Variants in LRRFIP1 observed in about 807,000 individuals in gnomAD.
LRRFIP1 encodes LRR binding FLII interacting protein 1.
In LRRFIP1, 62 loss-of-function variants were observed where a neutral mutation model predicts 104.4. The ratio of observed to expected loss-of-function variants is 0.59; its 90% CI spans 0.48 to 0.73. The LOEUF (loss-of-function observed/expected upper bound fraction) is 0.73, where lower values mean the gene tolerates loss of function less well. Among genes scored for constraint, LRRFIP1 ranks in the 30% least tolerant of loss-of-function variants. The pLI, the probability that LRRFIP1 is intolerant of heterozygous loss-of-function variation, is 0.00. For missense variants in LRRFIP1, 796 were observed against 824.5 expected (o/e 0.97, Z 0.42); for synonymous variants, 300 against 299.0 (o/e 1.00, Z -0.03).
chr2:237,702,309 T>C (rs927055270), intron 1 of LRRFIP1, among the ~76,000 whole-genome samples: 2 of 152,208 alleles, frequency 1.3e-5, no homozygotes, highest in African/African-American at 4.8e-5. Flanking sequence ...GAATCTTTTT[T>C]TCCCAGCCAT....
chr2:237,755,006 G>C (rs919885474), intron 15 of LRRFIP1, among the ~76,000 whole-genome samples: 3 of 152,236 alleles, frequency 2.0e-5, no homozygotes, highest in Non-Finnish European at 4.4e-5. Context: ...CAAGCTAAAG[G>C]AAGTGGGCGA....
chr2:237,708,385 A>G (rs141927524), intron 1 of LRRFIP1, among the ~76,000 whole-genome samples, 159 bp from the exon 2 acceptor site: 19 of 152,248 alleles, frequency 1.2e-4, no homozygotes, highest in African/African-American at 1.2e-4. Flanking sequence ...AACTATTTCT[A>G]TTGCTCCTGA....
rs562193413 is a variant in LRRFIP1 at position 237,661,997 on chromosome 2, G to A, written c.96+34257G>A. ...ATGCCATAACAAAGTGCCACAAACT[G>A]GGTGACTTAAAATAACAGAACTGTA... On this transcript the variant is annotated intron_variant, in intron 1 of 23. Transcript: ENST00000308482. This position sits in a 1 kb window ranked among gnomAD's most constrained non-coding sequence, Gnocchi z 4.4. Among the ~76,000 whole-genome samples the A allele has an allele frequency of 7.9e-5, 12 of 152,298 alleles. No homozygotes were observed. Among genetic ancestry groups the A allele is most frequent in the African/African-American group, 2.9e-4 (12 of 41,562 alleles).
intron 1 of LRRFIP1, among the ~76,000 whole-genome samples, chr2:237,707,081 A>G (rs560134841): frequency 1.3e-5 from 2 of 152,272 alleles, no homozygotes; most frequent in South Asian, 2.1e-4. Context: ...GAATAGAACA[A>G]ATTCCTCATG....
At chr2:237,760,350 C>T in intron 19 of LRRFIP1, 145 bp downstream of exon 19, 1 of 953,436 alleles carries the variant, frequency 1.0e-6, no homozygotes, top group African/African-American at 1.7e-5. Context: ...ATGGTAATTT[C>T]CTTGCCCACC....
At position 237,752,156 on chromosome 2, in the gene LRRFIP1, C is replaced by A. The variant is rs541292679; in HGVS notation, c.867+885C>A. Among the ~76,000 whole-genome samples, 20 of 152,294 alleles carry A rather than the reference C, an allele frequency of 1.3e-4. No homozygotes were observed. The South Asian group carries it at 3.1e-3, about 24-fold the overall frequency. On this transcript the variant is annotated intron_variant, in intron 14 of 23. Coordinates refer to ENST00000308482, the MANE Select transcript of LRRFIP1 (RefSeq NM_001137550.2). ...GCGTGGTGGCTCACGCCTGTAATTC[C>A]ACACTTTGGGAGGCCGAGGTGGGTG...
chr2:237,661,890 CA>C lies in LRRFIP1; in HGVS notation c.96+34154del, dbSNP rs1333074615. Among the ~76,000 whole-genome samples the C allele has an allele frequency of 6.6e-6, 1 of 152,222 alleles. No individual in the cohort carries two copies. Among genetic ancestry groups the C allele is most frequent in the Non-Finnish European group, 1.5e-5 (1 of 68,040 alleles). On this transcript the variant is annotated intron_variant, in intron 1 of 23. Transcript: ENST00000308482. The surrounding 1 kb of genome is among the most constrained non-coding windows in gnomAD (Gnocchi z 4.4). The stretch of plus-strand genomic sequence containing the variant: ...TAGGTGTTGCCATGATTCCTTTGGA[CA>C]AAATGTAAAATCTGGCTGAAGACTG...
chr2:237,673,258 G>A (rs2090615493), intron 1 of LRRFIP1, among the ~76,000 whole-genome samples: 1 of 152,218 alleles, frequency 6.6e-6, no homozygotes, highest in South Asian at 2.1e-4. Context: ...CTGTGTCCCT[G>A]GTCTGTAGGA....
At chr2:237,630,173 G>A (rs1167377964) in intron 1 of LRRFIP1, among the ~76,000 whole-genome samples, 1 of 152,228 alleles carries the variant, frequency 6.6e-6, no homozygotes, top group Non-Finnish European at 1.5e-5. Flanking sequence ...GATAGGGTTG[G>A]AGGGAGCAGG....
At chr2:237,679,665 A>T (rs561686216) in intron 1 of LRRFIP1, among the ~76,000 whole-genome samples, 7 of 152,286 alleles carry the variant, frequency 4.6e-5, no homozygotes, top group Admixed American at 2.0e-4. Context: ...CTAGAGTGCA[A>T]TGGCATGATC....
chr2:237,760,020 A>G (rs769951155), intron 18 of LRRFIP1, 44 bp from the exon 19 acceptor site: 61 of 1,585,202 alleles, frequency 3.8e-5, no homozygotes, highest in Middle Eastern at 1.7e-4. Context: ...GTTTAACCTA[A>G]TATCACTGAG....
At chr2:237,730,387 T>C (rs1210938008) in intron 8 of LRRFIP1, among the ~76,000 whole-genome samples, 2 of 152,186 alleles carry the variant, frequency 1.3e-5, no homozygotes, top group East Asian at 3.8e-4. Flanking sequence ...TGCTAAGGCT[T>C]GTTGGTGTTT....
intron 11 of LRRFIP1, among the ~76,000 whole-genome samples, chr2:237,744,464 G>T (rs1259048525): frequency 6.6e-6 from 1 of 152,180 alleles, no homozygotes; most frequent in Non-Finnish European, 1.5e-5. Context: ...GCTGGAACAT[G>T]GAAAACTTAG....
At chr2:237,753,721 G>C (rs750301768) in intron 15 of LRRFIP1, among the ~76,000 whole-genome samples, 1 of 149,850 alleles carries the variant, frequency 6.7e-6, no homozygotes, top group African/African-American at 2.4e-5. Flanking sequence ...GAGCCTGGAA[G>C]GTTGAGGCTG....
intron 1 of LRRFIP1, among the ~76,000 whole-genome samples, chr2:237,636,317 A>G (rs1289807149): frequency 1.3e-5 from 2 of 150,156 alleles, no homozygotes; most frequent in East Asian, 3.9e-4. Flanking sequence ...AAGACAGAAC[A>G]GAAAAAGAAG....
rs1474770176 is a variant in LRRFIP1, at chr2:237,780,816, G to A, written c.*1284G>A. On this transcript the variant is annotated 3_prime_UTR_variant, in exon 24 of 24. Transcript: ENST00000308482. ...ATGGATCTAGGATATACACAGCTGC[G>A]TTGCATTAAGAAAGAGATGAAATCT... is the stretch of plus-strand genomic sequence containing the variant. Among the ~76,000 whole-genome samples the A allele has an allele frequency of 3.3e-5, 5 of 152,212 alleles. No individual in the cohort carries two copies. Among genetic ancestry groups the A allele is most frequent in the East Asian group, 1.9e-4 (1 of 5,202 alleles).
intron 1 of LRRFIP1, among the ~76,000 whole-genome samples, chr2:237,656,636 G>T (rs1035672288): frequency 1.3e-5 from 2 of 152,164 alleles, no homozygotes; most frequent in Non-Finnish European, 2.9e-5. Context: ...ATATCCATGT[G>T]ACTCACGTAT....
chr2:237,727,695 G>A (rs2094814853), intron 7 of LRRFIP1, among the ~76,000 whole-genome samples, 181 bp from the exon 8 acceptor site: 1 of 152,216 alleles, frequency 6.6e-6, no homozygotes, highest in African/African-American at 2.4e-5. Flanking sequence ...AGCTGCGGGG[G>A]AGCAGACGGC....
chr2:237,650,559 C>T (rs77071606), intron 1 of LRRFIP1, among the ~76,000 whole-genome samples: 2,021 of 152,320 alleles, frequency 0.013, 40 homozygotes, highest in African/African-American at 0.046. Flanking sequence ...CACACTGACT[C>T]CTGTGTGAAT....
Sources: allele counts gnomAD v4.1 joint callset (sites outside exome capture counted in the v4.1 genomes callset), GRCh38; gene constraint gnomAD v4.1.1; non-coding constraint Gnocchi (gnomAD v3.1); transcripts MANE v1.5; gene names NCBI Gene and HGNC (gene_info 2026-07-23, HGNC 2026-07-21).